The following CAMKMT variants were observed in gnomAD, a reference collection of about 807,000 sequenced individuals.
CAMKMT encodes the protein CaM KMT.
A neutral mutation model predicts 48.0 loss-of-function variants in CAMKMT; 53 were observed. The ratio of observed to expected loss-of-function variants is 1.10; its 90% CI spans 0.89 to 1.39. The LOEUF is 1.39. Ranked by LOEUF, CAMKMT falls within the 40% of genes most tolerant of loss-of-function variation. CAMKMT has a pLI of 0.00. For missense variants in CAMKMT, 428 were observed against 402.7 expected, an observed-to-expected ratio of 1.06 and a Z score of -0.54; for synonymous variants, 165 against 152.3, an observed-to-expected ratio of 1.08 and a Z score of -0.61.
intron 3 of CAMKMT, among the ~76,000 whole-genome samples, chr2:44,553,160 A>C (rs1667813466): frequency 1.3e-5 from 2 of 152,168 alleles, no homozygotes; most frequent in Non-Finnish European, 2.9e-5. Flanking sequence ...CTATTTAAGT[A>C]CCTGTAATTG....
intron 3 of CAMKMT, among the ~76,000 whole-genome samples, chr2:44,478,127 A>G (rs1393678562): frequency 2.0e-5 from 3 of 152,242 alleles, no homozygotes; most frequent in Admixed American, 2.0e-4. Context: ...CTTAAAAACA[A>G]ATCCTAATTT....
At chr2:44,643,525 G>C (rs914234761) in intron 3 of CAMKMT, among the ~76,000 whole-genome samples, 1 of 151,966 alleles carries the variant, frequency 6.6e-6, no homozygotes, top group Non-Finnish European at 1.5e-5. Flanking sequence ...GATGAGATGA[G>C]TTTTCTAGCT....
chr2:44,390,946 A>G (rs903266279), intron 3 of CAMKMT, among the ~76,000 whole-genome samples: 4 of 152,182 alleles, frequency 2.6e-5, no homozygotes, highest in Admixed American at 1.3e-4. Flanking sequence ...GAATACCTTT[A>G]TGTCACTGAG....
chr2:44,388,220 T>C (rs1254678346), intron 2 of CAMKMT, among the ~76,000 whole-genome samples: 1 of 152,146 alleles, frequency 6.6e-6, no homozygotes, highest in Admixed American at 6.5e-5. Context: ...TCTTTTTCTC[T>C]TTGTTGGATT....
intron 3 of CAMKMT, among the ~76,000 whole-genome samples, chr2:44,407,934 C>G (rs570266747): frequency 6.6e-6 from 1 of 151,692 alleles, no homozygotes; most frequent in Non-Finnish European, 1.5e-5. Context: ...GTAAGTTGTA[C>G]TAATAGATTT....
chr2:44,410,405 C>T (rs1365524827), intron 3 of CAMKMT, among the ~76,000 whole-genome samples: 1 of 149,270 alleles, frequency 6.7e-6, no homozygotes, highest in Non-Finnish European at 1.5e-5. Flanking sequence ...CTACAGGTGC[C>T]CGCCACCTCG....
intron 3 of CAMKMT, among the ~76,000 whole-genome samples, chr2:44,676,037 T>G (rs1198305504): frequency 2.0e-5 from 3 of 152,224 alleles, no homozygotes; most frequent in East Asian, 1.9e-4. Flanking sequence ...AATATTCCAT[T>G]GCATATACAT....
intron 2 of CAMKMT, among the ~76,000 whole-genome samples, chr2:44,382,815 A>T (rs1206121938): frequency 6.6e-6 from 1 of 152,160 alleles, no homozygotes; most frequent in Non-Finnish European, 1.5e-5. Flanking sequence ...CTGTCAAAGG[A>T]CTGGGCCTCT....
intron 3 of CAMKMT, among the ~76,000 whole-genome samples, chr2:44,447,276 T>C (rs1174829505): frequency 6.6e-6 from 1 of 152,218 alleles, no homozygotes; most frequent in Non-Finnish European, 1.5e-5. Flanking sequence ...GAGTATGCTT[T>C]TCACTAGAAT....
At chr2:44,706,415 C>A in intron 5 of CAMKMT, 74 bp downstream of exon 5, 1 of 1,457,450 alleles carries the variant, frequency 6.9e-7, no homozygotes, top group Non-Finnish European at 9.6e-7. Flanking sequence ...CCTCCAACTG[C>A]TGGGTCAGAG....
At position 44,657,771 on chromosome 2, in the gene CAMKMT, C is replaced by T. The variant is rs1295719485; in HGVS notation, c.377-46512C>T. ...CTTATTTTGGTAACCGAATAACTGA[C>T]AATGATGGATTCTCAAACATTTCTG... is the stretch of plus-strand genomic sequence containing the variant. On this transcript the variant is annotated intron_variant, in intron 3 of 10. Coordinates refer to ENST00000378494, the MANE Select transcript of CAMKMT (RefSeq NM_024766.5). This position sits in a 1 kb window ranked among gnomAD's most constrained non-coding sequence, Gnocchi z 4.3. Among the ~76,000 whole-genome samples, 1 of 152,098 alleles carries T rather than the reference C, an allele frequency of 6.6e-6. No homozygotes were observed. The highest frequency in any genetic ancestry group is 1.9e-4 in the East Asian group (1 of 5,194).
intron 3 of CAMKMT, among the ~76,000 whole-genome samples, chr2:44,402,436 C>T (rs1037189705): frequency 1.3e-5 from 2 of 150,302 alleles, no homozygotes; most frequent in African/African-American, 4.9e-5. Context: ...CAATGCTATT[C>T]TAACTTATCA....
rs1234746387 is a variant in CAMKMT, at chr2:44,465,133, T to C, written c.376+74828T>C. ...TACGTAATTTGTGACACTGGTAACATAGAGGGAAGAGATGTAAAGGAATGA... is the reference window on the plus strand; with the variant it reads ...TACGTAATTTGTGACACTGGTAACACAGAGGGAAGAGATGTAAAGGAATGA... On this transcript the variant is annotated intron_variant, in intron 3 of 10. Coordinates refer to ENST00000378494, the MANE Select transcript of CAMKMT (RefSeq NM_024766.5). 2.0e-5 allele frequency among the ~76,000 whole-genome samples: 3 copies of C among 152,216 alleles called. No homozygotes were observed. In the South Asian group the frequency reaches 6.2e-4, roughly 32 times the overall value.
intron 7 of CAMKMT, among the ~76,000 whole-genome samples, chr2:44,729,706 A>G (rs1041064666): frequency 6.6e-6 from 1 of 152,192 alleles, no homozygotes; most frequent in African/African-American, 2.4e-5. Context: ...GCATGTGATC[A>G]GGCAAGCCGC....
chr2:44,411,118 GTT>G (rs1170184439), intron 3 of CAMKMT, among the ~76,000 whole-genome samples: 1 of 152,118 alleles, frequency 6.6e-6, no homozygotes, highest in Non-Finnish European at 1.5e-5. Flanking sequence ...ATTTGATTTA[GTT>G]TTTTAAAATA....
At chr2:44,421,695 A>T (rs966846506) in intron 3 of CAMKMT, among the ~76,000 whole-genome samples, 1 of 152,206 alleles carries the variant, frequency 6.6e-6, no homozygotes, top group Non-Finnish European at 1.5e-5. Context: ...TTTTGAAAGC[A>T]TTCTCTTTTT....
chr2:44,367,447 C>T (rs1189201440), intron 1 of CAMKMT, among the ~76,000 whole-genome samples: 1 of 152,118 alleles, frequency 6.6e-6, no homozygotes. Flanking sequence ...TATAAATTGC[C>T]TTCAGGCTAT....
At chr2:44,560,850 G>A (rs1668287473) in intron 3 of CAMKMT, among the ~76,000 whole-genome samples, 1 of 152,166 alleles carries the variant, frequency 6.6e-6, no homozygotes, top group Non-Finnish European at 1.5e-5. Flanking sequence ...ACCCTGGAGT[G>A]TAATTTGTCT....
At chr2:44,383,399 G>C (rs577136664) in intron 2 of CAMKMT, among the ~76,000 whole-genome samples, 54 of 152,250 alleles carry the variant, frequency 3.5e-4, no homozygotes, top group Non-Finnish European at 7.2e-4. Flanking sequence ...TCCTGATCTT[G>C]TGATCCGCCT....
Sources: allele counts gnomAD v4.1 joint callset (sites outside exome capture counted in the v4.1 genomes callset), GRCh38; gene constraint gnomAD v4.1.1; non-coding constraint Gnocchi (gnomAD v3.1); transcripts MANE v1.5; gene names NCBI Gene and HGNC (gene_info 2026-07-23, HGNC 2026-07-21).